The following DOCK9 variants were observed in gnomAD, a reference collection of about 807,000 sequenced individuals.
The protein encoded by DOCK9 is dedicator of cytokinesis protein 9.
Under a neutral mutation model 263.3 loss-of-function variants are expected in DOCK9, and 89 were observed. That is an observed-to-expected ratio of 0.34 (90% CI 0.28 to 0.40). The LOEUF is 0.40. DOCK9 is among the 10% of genes least tolerant of loss of function. The probability of loss-of-function intolerance (pLI) is 1.00; values close to 1 mark genes in which losing one functional copy is unlikely to be tolerated. For synonymous variants in DOCK9, 976 were observed against 973.1 expected (o/e 1.00, Z -0.06); for missense variants, 2,140 against 2,603.4 (o/e 0.82, Z 3.87).
chr13:99,028,860 T>G (rs1887049747), intron 1 of DOCK9, among the ~76,000 whole-genome samples: 1 of 152,232 alleles, frequency 6.6e-6, no homozygotes, highest in African/African-American at 2.4e-5. Context: ...GTGTGGAAGT[T>G]AAAATATGTT....
At chr13:98,809,951 T>C (rs1434092064) in intron 46 of DOCK9, among the ~76,000 whole-genome samples, 3 of 152,090 alleles carry the variant, frequency 2.0e-5, no homozygotes, top group African/African-American at 2.4e-5. Flanking sequence ...GTTTGAGATG[T>C]GGGGGTCTCC....
intron 1 of DOCK9, among the ~76,000 whole-genome samples, chr13:99,031,123 T>TTAAA (rs34359526): frequency 6.6e-6 from 1 of 151,532 alleles, no homozygotes; most frequent in East Asian, 1.9e-4. Context: ...ATGTTTTTTT[T>TTAAA]AAAAAAAAGT....
intron 39 of DOCK9, chr13:98,832,049 T>C (rs2092786171): frequency 1.0e-5 from 4 of 394,250 alleles, no homozygotes; most frequent in Non-Finnish European, 1.8e-5. Flanking sequence ...TGGGCTTCTA[T>C]TTATTAATAT....
At chr13:99,062,967 C>A (rs1226601203) in intron 1 of DOCK9, among the ~76,000 whole-genome samples, 1 of 152,174 alleles carries the variant, frequency 6.6e-6, no homozygotes, top group Non-Finnish European at 1.5e-5. Flanking sequence ...TGCTGGGCAT[C>A]CATCATGACA....
At position 99,058,423 on chromosome 13, in the gene DOCK9, A is replaced by C. The variant is rs1309623529; in HGVS notation, c.129+27800T>G. On this transcript the variant is annotated intron_variant, in intron 1 of 32. Transcript: ENST00000427887. ...GTGATCCGCCCACCTCGGCCTCCCC[A>C]AGTGCTGGGATTATGGGCATGAGCC... Among the ~76,000 whole-genome samples, 7 of 152,246 alleles carry C rather than the reference A, an allele frequency of 4.6e-5. No homozygotes were observed. The South Asian group carries it at 1.0e-3, about 23-fold the overall frequency.
chr13:98,948,210 T>C (rs1420648956), intron 2 of DOCK9, among the ~76,000 whole-genome samples: 1 of 152,154 alleles, frequency 6.6e-6, no homozygotes, highest in African/African-American at 2.4e-5. Flanking sequence ...AAACTCAGGA[T>C]GTTATTGAAA....
At chr13:98,933,416 A>AT (rs920067233) in intron 2 of DOCK9, among the ~76,000 whole-genome samples, 4 of 151,836 alleles carry the variant, frequency 2.6e-5, no homozygotes, top group Non-Finnish European at 5.9e-5. Context: ...AGAATCCTGA[A>AT]TTTTTTTTTC....
intron 45 of DOCK9, among the ~76,000 whole-genome samples, chr13:98,810,503 G>T (rs1427473283): frequency 2.6e-5 from 4 of 152,010 alleles, no homozygotes; most frequent in Admixed American, 6.5e-5. Context: ...CCATTTTCTC[G>T]ATCATGGTCA....
At chr13:98,973,747 G>T (rs1243651303) in intron 1 of DOCK9, among the ~76,000 whole-genome samples, 3 of 152,142 alleles carry the variant, frequency 2.0e-5, no homozygotes, top group African/African-American at 7.2e-5. Context: ...ATAGGTGCAT[G>T]CCACCTCGTC....
intron 49 of DOCK9, among the ~76,000 whole-genome samples, chr13:98,801,238 T>C (rs565785130): frequency 8.5e-5 from 13 of 152,328 alleles, no homozygotes; most frequent in Middle Eastern, 3.4e-3. Flanking sequence ...TGAGCTGTGA[T>C]TGTGCCACTG....
intron 38 of DOCK9, among the ~76,000 whole-genome samples, chr13:98,838,408 A>G (rs1237728336): frequency 6.6e-6 from 1 of 152,244 alleles, no homozygotes; most frequent in East Asian, 1.9e-4. Flanking sequence ...CTATGTTATC[A>G]GCAAGCTCGT....
rs2048820537 is a variant in DOCK9 at position 98,904,691 on chromosome 13, C to G, written c.976G>C (p.Glu326Gln). ...CTGCTTTCACTTTTCAGTTTGATTT[C>G]TGCTTCTCTTGCACTCTGATAACAA... ...PELAKSAREA[E>Q]IKLKSESRVK... The change falls in exon 10 of 53, where the codon GAA (glutamate) becomes CAA (glutamine). Residue 326 changes from glutamate to glutamine, a missense_variant. Glu to Gln is a conservative substitution (Grantham distance 29, BLOSUM62 2). Coordinates refer to ENST00000682017, the MANE Select transcript of DOCK9 (RefSeq NM_001366683.2). The G allele has an allele frequency of 1.3e-6, 2 of 1,555,504 alleles. No individual in the cohort carries two copies. The highest frequency in any genetic ancestry group is 1.7e-6 in the Non-Finnish European group (2 of 1,148,640).
chr13:99,025,929 C>T (rs1033068313), intron 1 of DOCK9, among the ~76,000 whole-genome samples: 1 of 152,166 alleles, frequency 6.6e-6, no homozygotes, highest in African/African-American at 2.4e-5. Context: ...GAAAGAAGCC[C>T]CGCATAAGGA....
chr13:99,062,120 C>T (rs1359576819), intron 1 of DOCK9, among the ~76,000 whole-genome samples: 1 of 152,108 alleles, frequency 6.6e-6, no homozygotes, highest in Non-Finnish European at 1.5e-5. Context: ...GGTCCTCCCA[C>T]CTTGGTCTCT....
chr13:98,860,364 A>G, intron 33 of DOCK9, 41 bp downstream of exon 33: 2 of 1,554,932 alleles, frequency 1.3e-6, no homozygotes, highest in Non-Finnish European at 1.7e-6. Context: ...ACACTTTCAG[A>G]GTGATGGTGG....
upstream of DOCK9, among the ~76,000 whole-genome samples, chr13:99,086,983 G>A (rs1223848537): frequency 1.3e-5 from 2 of 152,112 alleles, no homozygotes; most frequent in Non-Finnish European, 2.9e-5. Context: ...TCCTGCCCAG[G>A]GAGCCCGGCT....
intron 2 of DOCK9, among the ~76,000 whole-genome samples, chr13:98,938,145 A>G (rs1402819044): frequency 1.3e-5 from 2 of 152,238 alleles, no homozygotes; most frequent in East Asian, 3.8e-4. Flanking sequence ...AGTAGCAGCC[A>G]ATACGTTACC....
In DOCK9 at chr13:98,901,805, T is replaced by C. The variant is rs1165525293; in HGVS notation, c.1476A>G (p.Pro492=). 2.5e-6 allele frequency: 4 copies of C among 1,612,754 alleles called. No homozygotes were observed. Among genetic ancestry groups the C allele is most frequent in the Non-Finnish European group, 3.4e-6 (4 of 1,179,342 alleles). ...TAGAAGAGTCTGAACTTTTCATATA[T>C]GGCTCAGCGCAATGTGTGATGCTCC... The part of the protein sequence containing the change: ...LQGSITHCAE[P]YMKSSDSSKV... Residue 492 remains proline (P), a synonymous_variant, in exon 13 of 53, where the codon CCA becomes CCG. Coordinates refer to ENST00000682017, the MANE Select transcript of DOCK9 (RefSeq NM_001366683.2).
chr13:98,850,271 C>T (rs2093524790), intron 35 of DOCK9, among the ~76,000 whole-genome samples, 158 bp from the exon 36 acceptor site: 1 of 152,182 alleles, frequency 6.6e-6, no homozygotes, highest in African/African-American at 2.4e-5. Flanking sequence ...TAGCTGACCA[C>T]TCTACACTGG....
Sources: gnomAD v4.1 joint callset for allele counts (sites outside exome capture counted in the v4.1 genomes callset) on GRCh38, gnomAD v4.1.1 for gene constraint, MANE v1.5 for transcripts, NCBI Gene and HGNC (gene_info 2026-07-23, HGNC 2026-07-21) for gene names.